PGM5: variants seen among roughly 807,000 people sequenced by gnomAD.
The protein encoded by PGM5 is phosphoglucomutase 5, also known as phosphoglucomutase-like protein 5.
Under a neutral mutation model 59.2 loss-of-function variants are expected in PGM5, and 23 were observed. That is an observed-to-expected ratio of 0.39 (90% CI 0.28 to 0.55). The LOEUF is 0.55. Ranked by LOEUF, PGM5 falls within the 20% of genes least tolerant of loss-of-function variation. The pLI is 0.66. For synonymous variants in PGM5, 214 were observed against 286.0 expected (o/e 0.75, Z 2.54); for missense variants, 574 against 748.3 (o/e 0.77, Z 2.72).
chr9:68,405,578 T>A (rs1335463404), intron 6 of PGM5: 49 of 153,390 alleles, frequency 3.2e-4, no homozygotes, highest in Non-Finnish European at 5.7e-4. Context: ...TTCTTTCTCA[T>A]CCTCTCCTCT....
In PGM5 at chr9:68,506,451, G is replaced by A. The variant is rs186736728; in HGVS notation, c.1614+7090G>A. Among the ~76,000 whole-genome samples the A allele has an allele frequency of 1.7e-3, 266 of 152,242 alleles. 1 individual carries two copies. Among genetic ancestry groups the A allele is most frequent in the African/African-American group, 6.0e-3 (249 of 41,542 alleles). ...CTGAAGGCTGCCTGATTCAAGAATCGTCCTTTGCTCAGTTAAACTCTTAAG... is the reference window on the plus strand; with the variant it reads ...CTGAAGGCTGCCTGATTCAAGAATCATCCTTTGCTCAGTTAAACTCTTAAG... On this transcript the variant is annotated intron_variant, in intron 10 of 10. Transcript: ENST00000396396.
At chr9:68,394,600 G>A (rs1554679813) in intron 6 of PGM5, among the ~76,000 whole-genome samples, 1 of 151,506 alleles carries the variant, frequency 6.6e-6, no homozygotes, top group African/African-American at 2.4e-5. Flanking sequence ...TATGATCTTA[G>A]TTTCAGATGA....
intron 6 of PGM5, among the ~76,000 whole-genome samples, chr9:68,424,375 T>G (rs1823198779): frequency 6.6e-6 from 1 of 152,180 alleles, no homozygotes; most frequent in Non-Finnish European, 1.5e-5. Flanking sequence ...CCTGGCTTCC[T>G]GGTTTATACA....
chr9:68,439,706 T>TACAC, intron 6 of PGM5, among the ~76,000 whole-genome samples: 1 of 148,410 alleles, frequency 6.7e-6, no homozygotes, highest in East Asian at 2.0e-4. Flanking sequence ...TATATATATA[T>TACAC]ACACACACAC....
At chr9:68,394,964 T>G (rs1360817974) in intron 6 of PGM5, among the ~76,000 whole-genome samples, 2 of 152,136 alleles carry the variant, frequency 1.3e-5, no homozygotes, top group African/African-American at 4.8e-5. Flanking sequence ...GGCAGAAGTT[T>G]TAAATTTTGA....
intron 6 of PGM5, among the ~76,000 whole-genome samples, chr9:68,461,125 C>G (rs1378728410): frequency 1.3e-5 from 2 of 152,056 alleles, no homozygotes; most frequent in African/African-American, 4.8e-5. Context: ...GTTCCTGATT[C>G]ATAGTTGACT....
intron 6 of PGM5, among the ~76,000 whole-genome samples, chr9:68,459,049 T>C (rs1485493756): frequency 6.6e-6 from 1 of 152,196 alleles, no homozygotes; most frequent in Non-Finnish European, 1.5e-5. Context: ...TTGAGGGCTG[T>C]TGTGTTTAAT....
At chr9:68,383,257 G>A (rs1340461142) in intron 2 of PGM5, among the ~76,000 whole-genome samples, 1 of 152,046 alleles carries the variant, frequency 6.6e-6, no homozygotes, top group African/African-American at 2.4e-5. Flanking sequence ...AATATTGTGA[G>A]TCACATACAT....
rs782604420 is a variant in PGM5, at chr9:68,411,488, G to GTATATATATA, written c.1043+19021_1043+19030dup. ...ATATAATGTGTGTGTGTGTGTGTGTGTATATATATATATATGATTTTCCCA... is the reference window on the plus strand; with the variant it reads ...ATATAATGTGTGTGTGTGTGTGTGTGTATATATATATATATATATATATATGATTTTCCCA... On this transcript the variant is annotated intron_variant, in intron 6 of 10. Transcript: ENST00000396396. Among the ~76,000 whole-genome samples, 220 of 140,714 alleles carry GTATATATATA rather than the reference G, an allele frequency of 1.6e-3. 1 individual carries two copies. Among genetic ancestry groups the GTATATATATA allele is most frequent in the Middle Eastern group, 3.7e-3 (1 of 270 alleles). 92.3% of individuals were successfully genotyped at this position (140,714 alleles called of 152,430 possible). A position where few individuals can be genotyped will look rare whatever the true frequency, so the allele number is the denominator to read the frequency against.
chr9:68,428,191 A>G (rs949176935), intron 6 of PGM5, among the ~76,000 whole-genome samples: 4 of 152,212 alleles, frequency 2.6e-5, no homozygotes, highest in South Asian at 2.1e-4. Flanking sequence ...ATTTGACCAG[A>G]AAAGTATTAT....
intron 8 of PGM5, 135 bp downstream of exon 8, chr9:68,479,688 A>G (rs1554686966): frequency 1.3e-6 from 1 of 750,496 alleles, no homozygotes; most frequent in Non-Finnish European, 2.0e-6. Flanking sequence ...TAATCCCAGC[A>G]CTTTGGGAGG....
intron 6 of PGM5, among the ~76,000 whole-genome samples, chr9:68,440,816 T>C (rs1823514080): frequency 6.6e-6 from 1 of 151,718 alleles, no homozygotes; most frequent in Non-Finnish European, 1.5e-5. Flanking sequence ...AAGATAAAAG[T>C]AGAAATCAAT....
intron 1 of PGM5, 68 bp downstream of exon 1, chr9:68,357,456 C>G: frequency 1.3e-6 from 2 of 1,524,296 alleles, no homozygotes; most frequent in Non-Finnish European, 1.8e-6. Context: ...CCTTGTCCCC[C>G]TGCTGCCTCC....
Position 68,499,272 on chromosome 9 carries a change from C to G in PGM5, c.1525C>G (p.Leu509Val). ...FSDASRLIFR[L>V]SSSSGVRATL... ...GGATGCATCACGGCTCATCTTCCGGCTCAGTTCCTCCAGTGGTGTGCGGGC... is the reference window on the plus strand; with the variant it reads ...GGATGCATCACGGCTCATCTTCCGGGTCAGTTCCTCCAGTGGTGTGCGGGC... The change falls in exon 10 of 11, where the codon CTC becomes GTC. Residue 509 changes from leucine to valine, a missense_variant. Leu to Val is a conservative substitution (Grantham distance 32, BLOSUM62 1). Transcript: ENST00000396396. 1 of 1,614,180 alleles carries G rather than the reference C, an allele frequency of 6.2e-7. No individual in the cohort carries two copies.
chr9:68,489,985 T>A (rs1281180135), intron 9 of PGM5, among the ~76,000 whole-genome samples: 1 of 152,198 alleles, frequency 6.6e-6, no homozygotes, highest in African/African-American at 2.4e-5. Context: ...CCGTTTGAAT[T>A]TAGTTCAGAG....
At chr9:68,512,041 C>G (rs1223170978) in intron 10 of PGM5, among the ~76,000 whole-genome samples, 6 of 152,196 alleles carry the variant, frequency 3.9e-5, no homozygotes, top group African/African-American at 1.2e-4. Flanking sequence ...CTACTTGTCT[C>G]TCCATTCATG....
intron 3 of PGM5, among the ~76,000 whole-genome samples, chr9:68,386,186 G>A (rs1456626126): frequency 1.3e-5 from 2 of 151,834 alleles, no homozygotes; most frequent in Non-Finnish European, 2.9e-5. Flanking sequence ...TGTAGAGTGA[G>A]TAAAACTTCC....
intron 6 of PGM5, chr9:68,400,817 T>C (rs11141314): frequency 0.05 from 7,669 of 152,650 alleles, 607 homozygotes; most frequent in East Asian, 0.41. Flanking sequence ...CAATGTGAGA[T>C]GAAAGGAAGC....
intron 10 of PGM5, among the ~76,000 whole-genome samples, chr9:68,502,103 G>A (rs1328471332): frequency 6.6e-6 from 1 of 152,198 alleles, no homozygotes; most frequent in Non-Finnish European, 1.5e-5. Flanking sequence ...ACGAATTGGT[G>A]GTAAGGAGAG....
Sources: allele counts gnomAD v4.1 joint callset (sites outside exome capture counted in the v4.1 genomes callset), GRCh38; gene constraint gnomAD v4.1.1; transcripts MANE v1.5; gene names NCBI Gene and HGNC (gene_info 2026-07-23, HGNC 2026-07-21).